Variants in CDKAL1 observed in about 807,000 individuals in gnomAD.
CDKAL1 encodes the protein threonylcarbamoyladenosine tRNA methylthiotransferase.
CDKAL1 carries 32 observed loss-of-function variants against 68.2 expected under a neutral mutation model. The ratio of observed to expected loss-of-function variants is 0.47; its 90% CI spans 0.35 to 0.63. CDKAL1 has a LOEUF of 0.63. CDKAL1 is among the 30% of genes least tolerant of loss of function. The pLI, the probability that CDKAL1 is intolerant of heterozygous loss-of-function variation, is 0.00. For synonymous variants in CDKAL1, 234 were observed against 244.3 expected, an observed-to-expected ratio of 0.96 and a Z score of 0.39; for missense variants, 606 against 696.7, an observed-to-expected ratio of 0.87 and a Z score of 1.47.
At chr6:20,681,133 C>T (rs569013333) in intron 5 of CDKAL1, among the ~76,000 whole-genome samples, 16 of 152,236 alleles carry the variant, frequency 1.1e-4, no homozygotes, top group African/African-American at 3.9e-4. Context: ...TCCACTTTAC[C>T]CTAGTTGTTT....
intron 10 of CDKAL1, among the ~76,000 whole-genome samples, chr6:20,977,235 A>G (rs1765885695): frequency 6.6e-6 from 1 of 152,204 alleles, no homozygotes; most frequent in Non-Finnish European, 1.5e-5. Context: ...CATAAAGCTT[A>G]TTCAAGAGAA....
intron 8 of CDKAL1, among the ~76,000 whole-genome samples, chr6:20,830,581 A>C (rs1777675866): frequency 6.6e-6 from 1 of 152,182 alleles, no homozygotes; most frequent in Admixed American, 6.6e-5. Flanking sequence ...CACAGTAAAT[A>C]AAGTTATCTC....
intron 9 of CDKAL1, 114 bp from the exon 10 acceptor site, chr6:20,955,305 C>A: frequency 9.4e-7 from 1 of 1,065,802 alleles, no homozygotes; most frequent in Non-Finnish European, 1.4e-6. Context: ...AATTGAATAC[C>A]CAGACTGCCT....
At chr6:20,662,403 C>T (rs1214096382) in intron 5 of CDKAL1, among the ~76,000 whole-genome samples, 2 of 152,026 alleles carry the variant, frequency 1.3e-5, no homozygotes, top group East Asian at 1.9e-4. Context: ...CTTACTTTTA[C>T]CTAACAGCTG....
intron 9 of CDKAL1, among the ~76,000 whole-genome samples, chr6:20,945,060 GCA>G (rs1394915369): frequency 2.8e-5 from 2 of 71,476 alleles, no homozygotes; most frequent in Admixed American, 3.4e-4. Context: ...GTGCATATGT[GCA>G]CACACACGTA....
At chr6:20,675,342 G>T (rs1770039857) in intron 5 of CDKAL1, among the ~76,000 whole-genome samples, 2 of 152,056 alleles carry the variant, frequency 1.3e-5, no homozygotes, top group South Asian at 4.1e-4. Context: ...TTGTGGGATG[G>T]TTCCTATATA....
chr6:21,206,401 TTTAA>T (rs1219537889), intron 15 of CDKAL1, among the ~76,000 whole-genome samples: 1 of 152,218 alleles, frequency 6.6e-6, no homozygotes, highest in Non-Finnish European at 1.5e-5. Flanking sequence ...TGCTGTCTGT[TTTAA>T]TAAAGGCTAA....
chr6:20,981,651 C>T (rs1766154362), intron 10 of CDKAL1, among the ~76,000 whole-genome samples: 1 of 152,156 alleles, frequency 6.6e-6, no homozygotes, highest in Non-Finnish European at 1.5e-5. Context: ...ACCAGCCTGG[C>T]CAACATGGTG....
chr6:21,230,241 A>C (rs1562134516), intron 15 of CDKAL1, among the ~76,000 whole-genome samples: 1 of 152,202 alleles, frequency 6.6e-6, no homozygotes, highest in Non-Finnish European at 1.5e-5. Context: ...GGCTCACTGT[A>C]GCCTTCACCT....
At chr6:20,998,936 C>T (rs1442178541) in intron 10 of CDKAL1, among the ~76,000 whole-genome samples, 1 of 152,148 alleles carries the variant, frequency 6.6e-6, no homozygotes, top group Non-Finnish European at 1.5e-5. Context: ...CTAATGTTCA[C>T]AGTCAATGAA....
intron 5 of CDKAL1, among the ~76,000 whole-genome samples, chr6:20,656,571 G>A (rs1470675153): frequency 6.6e-6 from 1 of 151,910 alleles, no homozygotes; most frequent in Non-Finnish European, 1.5e-5. Context: ...ATACTTTACT[G>A]CTACTGATAC....
intron 4 of CDKAL1, among the ~76,000 whole-genome samples, chr6:20,602,484 G>T (rs1172751928): frequency 6.6e-6 from 1 of 152,152 alleles, no homozygotes; most frequent in African/African-American, 2.4e-5. Flanking sequence ...GGGAGGAATG[G>T]GGTTAGCTTG....
At position 21,058,205 on chromosome 6, in the gene CDKAL1, G is replaced by T. The variant is rs376696426; in HGVS notation, c.1056-6843G>T. On this transcript the variant is annotated intron_variant, in intron 11 of 15. Coordinates refer to ENST00000274695, the MANE Select transcript of CDKAL1 (RefSeq NM_017774.3). ...ATGAATCTGAGTACTCCCCTATTGG[G>T]TGCATATATATTTAGGACAGTCAGC... is the stretch of plus-strand genomic sequence containing the variant. 7.9e-5 allele frequency among the ~76,000 whole-genome samples: 12 copies of T among 152,126 alleles called. No homozygotes were observed. The East Asian group carries it at 9.6e-4, about 12-fold the overall frequency.
At chr6:21,161,558 C>G (rs527930559) in intron 13 of CDKAL1, among the ~76,000 whole-genome samples, 3 of 152,202 alleles carry the variant, frequency 2.0e-5, no homozygotes, top group East Asian at 1.9e-4. Flanking sequence ...ACTTATTTGC[C>G]TTTCTAGAGA....
At chr6:20,758,561 A>G (rs1774331095) in intron 6 of CDKAL1, 34 bp from the exon 7 acceptor site, 3 of 1,588,908 alleles carry the variant, frequency 1.9e-6, no homozygotes, top group South Asian at 1.2e-5. Context: ...TCTTCGTGTA[A>G]ATTACTTGTG....
intron 9 of CDKAL1, among the ~76,000 whole-genome samples, chr6:20,944,538 G>A (rs111293107): frequency 6.6e-6 from 1 of 151,994 alleles, no homozygotes; most frequent in Non-Finnish European, 1.5e-5. Flanking sequence ...GTAGAGACAG[G>A]GTTTCCATGT....
At chr6:20,729,244 G>A (rs919233277) in intron 5 of CDKAL1, among the ~76,000 whole-genome samples, 1 of 152,184 alleles carries the variant, frequency 6.6e-6, no homozygotes, top group African/African-American at 2.4e-5. Flanking sequence ...CCTTAGATTA[G>A]TCTTAATCTT....
intron 9 of CDKAL1, among the ~76,000 whole-genome samples, chr6:20,896,299 C>T (rs1445194974): frequency 1.3e-5 from 2 of 151,964 alleles, no homozygotes; most frequent in African/African-American, 2.4e-5. Flanking sequence ...GGGGTTTCAC[C>T]GTGTTGGCCA....
intron 8 of CDKAL1, among the ~76,000 whole-genome samples, chr6:20,786,163 T>C (rs546510162): frequency 6.6e-6 from 1 of 152,228 alleles, no homozygotes; most frequent in East Asian, 1.9e-4. Context: ...GAGTGGATGT[T>C]GCAGTGAGCT....
Sources: allele counts gnomAD v4.1 joint callset (sites outside exome capture counted in the v4.1 genomes callset), GRCh38; gene constraint gnomAD v4.1.1; transcripts MANE v1.5; gene names NCBI Gene and HGNC (gene_info 2026-07-23, HGNC 2026-07-21).